The following RSU1 variants were observed in gnomAD, a reference collection of about 807,000 sequenced individuals.
The protein encoded by RSU1 is Ras suppressor protein 1.
In RSU1, 26 loss-of-function variants were observed where a neutral mutation model predicts 31.1. The observed-to-expected ratio is 0.84, with a 90% CI of 0.61 to 1.16. The LOEUF is 1.16. Among genes scored for constraint, RSU1 ranks in the 50% most tolerant of loss-of-function variants. The pLI, the probability that RSU1 is intolerant of heterozygous loss-of-function variation, is 0.00. For synonymous variants in RSU1, 164 were observed against 136.3 expected (o/e 1.20, Z -1.41); for missense variants, 320 against 339.1 (o/e 0.94, Z 0.44).
At position 16,806,054 on chromosome 10, in the gene RSU1, G is replaced by T. The variant is rs554939725; in HGVS notation, c.109+10919C>A. 3.9e-5 allele frequency among the ~76,000 whole-genome samples: 6 copies of T among 152,276 alleles called. No individual in the cohort carries two copies. In the South Asian group the frequency reaches 6.2e-4, roughly 16 times the overall value. Reference sequence around the variant, plus strand: ...TCTTGCTTTGAAAATCTGTCAACTTGTACTGTCATTATGCACTTATCGATA... The same window carrying T: ...TCTTGCTTTGAAAATCTGTCAACTTTTACTGTCATTATGCACTTATCGATA... On this transcript the variant is annotated intron_variant, in intron 2 of 8. Coordinates refer to ENST00000345264, the MANE Select transcript of RSU1 (RefSeq NM_012425.4).
intron 2 of RSU1, among the ~76,000 whole-genome samples, chr10:16,814,780 G>C (rs533167304): frequency 6.6e-6 from 1 of 152,328 alleles, no homozygotes; most frequent in South Asian, 2.1e-4. Flanking sequence ...ATTTAAGAAT[G>C]ATCTCGCTTT....
chr10:16,645,960 ATATG>A (rs1834551152), intron 8 of RSU1, among the ~76,000 whole-genome samples: 2 of 52,720 alleles, frequency 3.8e-5, no homozygotes, highest in Non-Finnish European at 7.1e-5. Context: ...GTATATACAT[ATATG>A]TGTATATATA....
rs1165153936 is a variant in RSU1 at position 16,776,937 on chromosome 10, G to GAAAAAAA, written c.160+5096_160+5097insTTTTTTT. 2.7e-5 allele frequency among the ~76,000 whole-genome samples: 4 copies of GAAAAAAA among 146,312 alleles called. No homozygotes were observed. The East Asian group carries it at 7.9e-4, about 29-fold the overall frequency. ...TTTATTTTTTTTTAATTTTTTTTTT[G>GAAAAAAA]AGATAGGGTCTTGCCCTGTCACCCA... On this transcript the variant is annotated intron_variant, in intron 3 of 8. Transcript: ENST00000345264.
intron 7 of RSU1, among the ~76,000 whole-genome samples, chr10:16,711,011 G>A (rs1216674375): frequency 1.3e-5 from 2 of 151,996 alleles, no homozygotes; most frequent in African/African-American, 2.4e-5. Flanking sequence ...CTTTTTTATG[G>A]CTGCACAGTA....
intron 3 of RSU1, among the ~76,000 whole-genome samples, chr10:16,777,371 T>G (rs771004803): frequency 6.6e-6 from 1 of 152,068 alleles, no homozygotes; most frequent in Non-Finnish European, 1.5e-5. Flanking sequence ...TTTGAGAAAG[T>G]AGCCATAATA....
intron 3 of RSU1, among the ~76,000 whole-genome samples, chr10:16,776,814 A>C (rs1837542730): frequency 1.3e-5 from 2 of 152,064 alleles, no homozygotes; most frequent in Admixed American, 6.5e-5. Flanking sequence ...AATTTAAAAA[A>C]AAAAAAAAAA....
At chr10:16,737,757 G>GAA (rs34578854) in intron 7 of RSU1, among the ~76,000 whole-genome samples, 43 of 146,078 alleles carry the variant, frequency 2.9e-4, no homozygotes, top group African/African-American at 7.4e-4. Flanking sequence ...CTAACTTAAG[G>GAA]AAAAAAAAAA....
intron 7 of RSU1, among the ~76,000 whole-genome samples, chr10:16,720,266 T>C (rs964166200): frequency 6.6e-6 from 1 of 152,188 alleles, no homozygotes; most frequent in Non-Finnish European, 1.5e-5. Flanking sequence ...ACCATAGTTA[T>C]GACAGAAAAC....
chr10:16,743,862 G>A (rs1836797744), intron 7 of RSU1, among the ~76,000 whole-genome samples: 1 of 152,090 alleles, frequency 6.6e-6, no homozygotes, highest in Non-Finnish European at 1.5e-5. Flanking sequence ...CCAGGTGGGT[G>A]GCTGATTCCT....
intron 8 of RSU1, among the ~76,000 whole-genome samples, chr10:16,597,974 G>A (rs1261954828): frequency 6.6e-6 from 1 of 152,242 alleles, no homozygotes. Context: ...GGCTATGGCA[G>A]TGGCGGTGCA....
At chr10:16,680,348 A>T (rs10904791) in intron 8 of RSU1, among the ~76,000 whole-genome samples, 1 of 151,786 alleles carries the variant, frequency 6.6e-6, no homozygotes, top group South Asian at 2.1e-4. Context: ...ATGACATTCC[A>T]AAGAGCTCAA....
chr10:16,710,696 C>T (rs181079248), intron 7 of RSU1, among the ~76,000 whole-genome samples: 1 of 151,778 alleles, frequency 6.6e-6, no homozygotes, highest in Non-Finnish European at 1.5e-5. Context: ...ACTTTAAGTT[C>T]TGGGATATAT....
intron 2 of RSU1, among the ~76,000 whole-genome samples, chr10:16,791,542 T>C (rs913479275): frequency 6.6e-6 from 1 of 151,434 alleles, no homozygotes; most frequent in Non-Finnish European, 1.5e-5. Flanking sequence ...GGCAGAAGAA[T>C]TGCTTGAAAC....
chr10:16,678,297 C>T (rs535902950), intron 8 of RSU1, among the ~76,000 whole-genome samples: 1 of 152,254 alleles, frequency 6.6e-6, no homozygotes, highest in Admixed American at 6.5e-5. Context: ...CAGATTCTTC[C>T]AAGAACATAG....
intron 8 of RSU1, among the ~76,000 whole-genome samples, chr10:16,679,766 C>T (rs1161860239): frequency 6.6e-6 from 1 of 151,986 alleles, no homozygotes; most frequent in African/African-American, 2.4e-5. Flanking sequence ...CGTGGCCCAC[C>T]ATCACCATCC....
intron 8 of RSU1, among the ~76,000 whole-genome samples, chr10:16,608,263 T>C (rs1399381594): frequency 1.3e-5 from 2 of 152,204 alleles, no homozygotes; most frequent in Non-Finnish European, 2.9e-5. Flanking sequence ...ATCTCAGCAC[T>C]TTCGGAGCCT....
chr10:16,646,687 G>A (rs1285758294), intron 8 of RSU1, among the ~76,000 whole-genome samples: 2 of 152,226 alleles, frequency 1.3e-5, no homozygotes, highest in African/African-American at 4.8e-5. Flanking sequence ...CAATACTTCT[G>A]AGTAACAGTC....
intron 4 of RSU1, among the ~76,000 whole-genome samples, chr10:16,757,045 TGTGTGG>T (rs942956330): frequency 6.7e-5 from 10 of 149,910 alleles, no homozygotes; most frequent in Admixed American, 6.0e-4. Context: ...GTGTGGTGTG[TGTGTGG>T]GTGTGTTTGT....
rs138234243 is a variant in RSU1, at chr10:16,611,479, C to T, written c.732-17983G>A. Among the ~76,000 whole-genome samples the T allele has an allele frequency of 8.7e-3, 1,326 of 152,246 alleles. 21 individuals are homozygous for T. The highest frequency in any genetic ancestry group is 0.031 in the African/African-American group (1,269 of 41,522). On this transcript the variant is annotated intron_variant, in intron 8 of 8. Transcript: ENST00000345264. ...TGAAAACTAAAGAAAAGGTGAGATC[C>T]GAAGACGCTACTACTGAGTTCCCAT...
Sources: allele counts gnomAD v4.1 joint callset (sites outside exome capture counted in the v4.1 genomes callset), GRCh38; gene constraint gnomAD v4.1.1; transcripts MANE v1.5; gene names NCBI Gene and HGNC (gene_info 2026-07-23, HGNC 2026-07-21).